The following NRXN3 variants were observed in gnomAD, a reference collection of about 807,000 sequenced individuals.
NRXN3 encodes neurexin 3.
A neutral mutation model predicts 137.6 loss-of-function variants in NRXN3; 32 were observed. The ratio of observed to expected loss-of-function variants is 0.23; its 90% CI spans 0.18 to 0.31. The LOEUF is 0.31. NRXN3 is among the 10% of genes least tolerant of loss of function. The probability of loss-of-function intolerance (pLI) is 1.00; values close to 1 mark genes in which losing one functional copy is unlikely to be tolerated. For synonymous variants in NRXN3, 798 were observed against 784.5 expected, an observed-to-expected ratio of 1.02 and a Z score of -0.29; for missense variants, 1,574 against 2,062.5, an observed-to-expected ratio of 0.76 and a Z score of 4.59.
At chr14:79,004,801 C>G (rs1339912990) in intron 15 of NRXN3, among the ~76,000 whole-genome samples, 1 of 152,122 alleles carries the variant, frequency 6.6e-6, no homozygotes, top group Non-Finnish European at 1.5e-5. Context: ...TGGAGTCAGA[C>G]CTTGATTCTA....
At chr14:79,354,655 T>A (rs749684560) in intron 15 of NRXN3, among the ~76,000 whole-genome samples, 33 of 152,204 alleles carry the variant, frequency 2.2e-4, no homozygotes, top group Non-Finnish European at 3.7e-4. Context: ...ATATCATTCC[T>A]ATTACCATTT....
intron 16 of NRXN3, among the ~76,000 whole-genome samples, chr14:79,626,474 T>A (rs1238043769): frequency 6.6e-6 from 1 of 152,018 alleles, no homozygotes; most frequent in East Asian, 1.9e-4. Context: ...CTCAATGTAG[T>A]TTTAAATTTT....
At chr14:78,725,122 A>C (rs2098477260) in intron 8 of NRXN3, among the ~76,000 whole-genome samples, 1 of 152,190 alleles carries the variant, frequency 6.6e-6, no homozygotes, top group Admixed American at 6.5e-5. Context: ...AATCTGTGCG[A>C]TTAGCATGTT....
intron 16 of NRXN3, among the ~76,000 whole-genome samples, chr14:79,508,862 A>G (rs1003027064): frequency 1.3e-5 from 2 of 152,134 alleles, no homozygotes; most frequent in African/African-American, 2.4e-5. Context: ...CTCTAAAGAA[A>G]TAGTCCAAAA....
chr14:79,342,870 C>T (rs569649579), intron 15 of NRXN3, among the ~76,000 whole-genome samples: 6 of 152,262 alleles, frequency 3.9e-5, no homozygotes, highest in East Asian at 1.9e-4. Context: ...CATGCAGAGC[C>T]GGCTATGCAG....
chr14:79,577,301 G>A (rs2097674384), intron 16 of NRXN3, among the ~76,000 whole-genome samples: 1 of 152,130 alleles, frequency 6.6e-6, no homozygotes, highest in Non-Finnish European at 1.5e-5. Context: ...ATTCTTGACA[G>A]CAATAAAACA....
chr14:79,422,432 T>G (rs2054098341), intron 15 of NRXN3, among the ~76,000 whole-genome samples: 1 of 152,156 alleles, frequency 6.6e-6, no homozygotes, highest in Non-Finnish European at 1.5e-5. Flanking sequence ...CACATTTTGA[T>G]GTTCACTACC....
At chr14:79,081,575 C>A (rs1439310989) in intron 15 of NRXN3, among the ~76,000 whole-genome samples, 1 of 149,714 alleles carries the variant, frequency 6.7e-6, no homozygotes, top group Non-Finnish European at 1.5e-5. Context: ...CCAAGATCGC[C>A]ACTGCACTCC....
intron 15 of NRXN3, among the ~76,000 whole-genome samples, chr14:79,086,125 G>T (rs1337198265): frequency 1.3e-5 from 2 of 152,108 alleles, no homozygotes; most frequent in African/African-American, 4.8e-5. Flanking sequence ...TGGTATTGGG[G>T]GCAGAGAGCT....
At chr14:79,217,019 C>T (rs964347104) in intron 15 of NRXN3, among the ~76,000 whole-genome samples, 1 of 152,014 alleles carries the variant, frequency 6.6e-6, no homozygotes, top group Non-Finnish European at 1.5e-5. Context: ...TGCCTGTAGT[C>T]CCAGCTACCC....
At position 78,471,622 on chromosome 14, in the gene NRXN3, A is replaced by C. The variant is rs146300635; in HGVS notation, c.758-173498A>C. The stretch of plus-strand genomic sequence containing the variant: ...AAACTAACCTGGGTACCAGGGTTGA[A>C]TGTTGATGAGTTTTTTTACCCTCGT... On this transcript the variant is annotated intron_variant, in intron 4 of 20. Transcript: ENST00000335750. Among the ~76,000 whole-genome samples, 77 of 152,300 alleles carry C rather than the reference A, an allele frequency of 5.1e-4. 1 individual carries two copies. In the East Asian group the frequency reaches 9.4e-3, roughly 19 times the overall value.
intron 16 of NRXN3, among the ~76,000 whole-genome samples, chr14:79,659,679 T>C (rs1183641846): frequency 2.0e-5 from 3 of 151,334 alleles, no homozygotes; most frequent in Non-Finnish European, 4.4e-5. Flanking sequence ...TGTGCTCTCC[T>C]ATAACCCTCA....
At chr14:79,564,514 T>C (rs920058799) in intron 16 of NRXN3, among the ~76,000 whole-genome samples, 1 of 152,140 alleles carries the variant, frequency 6.6e-6, no homozygotes, top group Non-Finnish European at 1.5e-5. Context: ...TGACCACCAT[T>C]CTAGACAAGC....
At chr14:78,705,215 G>A (rs1300066419) in intron 6 of NRXN3, among the ~76,000 whole-genome samples, 1 of 152,176 alleles carries the variant, frequency 6.6e-6, no homozygotes, top group Non-Finnish European at 1.5e-5. Flanking sequence ...GTCATTTGAT[G>A]CCACATCTCT....
At chr14:79,695,250 G>C (rs1324579603) in intron 18 of NRXN3, among the ~76,000 whole-genome samples, 1 of 151,926 alleles carries the variant, frequency 6.6e-6, no homozygotes, top group African/African-American at 2.4e-5. Flanking sequence ...TGTAAGCACT[G>C]GCATAATAAC....
chr14:78,566,176 A>T (rs1171712713), intron 4 of NRXN3, among the ~76,000 whole-genome samples: 1 of 152,066 alleles, frequency 6.6e-6, no homozygotes, highest in African/African-American at 2.4e-5. Context: ...GCCAAAAAAA[A>T]GACTCTCTAA....
At chr14:78,265,917 G>A (rs2071617095) in intron 2 of NRXN3, among the ~76,000 whole-genome samples, 1 of 152,202 alleles carries the variant, frequency 6.6e-6, no homozygotes, top group Non-Finnish European at 1.5e-5. Flanking sequence ...AGTTCCAAGA[G>A]TGCAAGACCT....
At chr14:79,563,139 T>C (rs1354042661) in intron 16 of NRXN3, among the ~76,000 whole-genome samples, 1 of 152,198 alleles carries the variant, frequency 6.6e-6, no homozygotes, top group Non-Finnish European at 1.5e-5. Flanking sequence ...TGAATATTAA[T>C]TCTTTGAAAG....
At chr14:78,994,847 T>C (rs1431406840) in intron 15 of NRXN3, among the ~76,000 whole-genome samples, 1 of 152,202 alleles carries the variant, frequency 6.6e-6, no homozygotes, top group Non-Finnish European at 1.5e-5. Context: ...GTCCTTATCA[T>C]GGTCCTGACA....
Sources: allele counts gnomAD v4.1 joint callset (sites outside exome capture counted in the v4.1 genomes callset), GRCh38; gene constraint gnomAD v4.1.1; transcripts MANE v1.5; gene names NCBI Gene and HGNC (gene_info 2026-07-23, HGNC 2026-07-21).